NAT1: variants seen among roughly 807,000 people sequenced by gnomAD.
The protein encoded by NAT1 is N-acetyltransferase 1.
For missense variants in NAT1, 400 were observed against 339.2 expected (o/e 1.18, Z -1.41); for synonymous variants, 144 against 122.6 (o/e 1.17, Z -1.16).
intron 2 of NAT1, among the ~76,000 whole-genome samples, chr8:18,175,227 A>C (rs1589048008): frequency 6.6e-6 from 1 of 152,048 alleles, no homozygotes; most frequent in Non-Finnish European, 1.5e-5. Flanking sequence ...GAGAATGTTA[A>C]AAATCTATTC....
At chr8:18,217,976 G>C (rs1406381294) in intron 1 of NAT1, among the ~76,000 whole-genome samples, 6 of 152,096 alleles carry the variant, frequency 3.9e-5, no homozygotes, top group African/African-American at 1.4e-4. Context: ...ACCTTTATTG[G>C]AGTGGCTGAG....
At chr8:18,205,501 G>A (rs1448862084), upstream of NAT1, among the ~76,000 whole-genome samples, 2 of 152,172 alleles carry the variant, frequency 1.3e-5, no homozygotes, top group African/African-American at 4.8e-5. Context: ...GGGCACTGGC[G>A]GGGGCAGGGC....
At chr8:18,216,982 AC>A (rs1804739573) in intron 1 of NAT1, 2 of 1,550,498 alleles carry the variant, frequency 1.3e-6, no homozygotes, top group South Asian at 2.4e-5. Flanking sequence ...TCTGATGATC[AC>A]CATGTTTCTG....
At chr8:18,192,859 A>C (rs932722135) in intron 2 of NAT1, among the ~76,000 whole-genome samples, 5 of 150,042 alleles carry the variant, frequency 3.3e-5, no homozygotes, top group African/African-American at 1.2e-4. Context: ...GGAAGGGGGG[A>C]GGGATAGCAT....
intron 2 of NAT1, among the ~76,000 whole-genome samples, chr8:18,186,284 A>G (rs1589062873): frequency 6.6e-6 from 1 of 152,120 alleles, no homozygotes; most frequent in African/African-American, 2.4e-5. Flanking sequence ...GTTTTACTGT[A>G]TGATTGTACA....
intron 2 of NAT1, among the ~76,000 whole-genome samples, chr8:18,199,778 C>T (rs1300825649): frequency 6.6e-6 from 1 of 152,088 alleles, no homozygotes; most frequent in Admixed American, 6.6e-5. Context: ...GGGGGCTACT[C>T]GTTTCTTTGT....
At chr8:18,187,813 T>G (rs939124005) in intron 2 of NAT1, among the ~76,000 whole-genome samples, 4 of 151,942 alleles carry the variant, frequency 2.6e-5, no homozygotes, top group African/African-American at 9.7e-5. Context: ...TGACATGAGT[T>G]TACCTATATA....
At chr8:18,195,034 C>T (rs917122974) in intron 2 of NAT1, among the ~76,000 whole-genome samples, 1 of 152,064 alleles carries the variant, frequency 6.6e-6, no homozygotes, top group African/African-American at 2.4e-5. Context: ...CAGCAGTGGT[C>T]CAGAAAATGG....
At chr8:18,202,131 T>A (rs890226767) in intron 2 of NAT1, among the ~76,000 whole-genome samples, 3 of 152,218 alleles carry the variant, frequency 2.0e-5, no homozygotes, top group African/African-American at 2.4e-5. Context: ...AATATTTACA[T>A]AACAAACCTT....
chr8:18,202,868 G>C (rs1803531522), intron 2 of NAT1, among the ~76,000 whole-genome samples: 1 of 152,134 alleles, frequency 6.6e-6, no homozygotes, highest in Non-Finnish European at 1.5e-5. Context: ...TGGGTGACCG[G>C]CTGTTATTCC....
At chr8:18,196,281 G>A (rs988907884) in intron 2 of NAT1, among the ~76,000 whole-genome samples, 7 of 151,922 alleles carry the variant, frequency 4.6e-5, no homozygotes, top group South Asian at 2.1e-4. Flanking sequence ...GAGAAATTAC[G>A]AAATGTAATT....
intron 2 of NAT1, among the ~76,000 whole-genome samples, chr8:18,174,111 G>C (rs2117198068): frequency 6.6e-6 from 1 of 152,220 alleles, no homozygotes; most frequent in Middle Eastern, 3.4e-3. Flanking sequence ...GAGAGAAAAA[G>C]ATGATTAGAA....
intron 2 of NAT1, among the ~76,000 whole-genome samples, chr8:18,185,450 T>C (rs1802695289): frequency 6.6e-6 from 1 of 152,164 alleles, no homozygotes. Flanking sequence ...CTGGTCATAA[T>C]GTGGTGTAAT....
chr8:18,195,065 T>C (rs971588537), intron 2 of NAT1, among the ~76,000 whole-genome samples: 22 of 152,088 alleles, frequency 1.4e-4, no homozygotes, highest in African/African-American at 5.3e-4. Context: ...GTTTGATGAG[T>C]AAGGTCAAGG....
chr8:18,214,886 TATTA>T (rs1389368773), intron 1 of NAT1, among the ~76,000 whole-genome samples: 1 of 152,206 alleles, frequency 6.6e-6, no homozygotes, highest in Non-Finnish European at 1.5e-5. Context: ...TGCTTCTTTG[TATTA>T]ATTAATTCTC....
At chr8:18,209,178 A>G (rs1803869207), upstream of NAT1, among the ~76,000 whole-genome samples, 1 of 152,228 alleles carries the variant, frequency 6.6e-6, no homozygotes, top group Non-Finnish European at 1.5e-5. Flanking sequence ...TAGTGGTCCC[A>G]GACCCATAGT....
At chr8:18,189,537 G>C (rs1034265286) in intron 2 of NAT1, among the ~76,000 whole-genome samples, 3 of 152,164 alleles carry the variant, frequency 2.0e-5, no homozygotes, top group African/African-American at 7.2e-5. Context: ...ATATACTAAA[G>C]ACATATTTTT....
chr8:18,173,564 C>G (rs999764098), intron 2 of NAT1, among the ~76,000 whole-genome samples: 1 of 152,172 alleles, frequency 6.6e-6, no homozygotes, highest in African/African-American at 2.4e-5. Flanking sequence ...CATTATAACA[C>G]TGAGGCACAG....
At position 18,221,097 on chromosome 8, in the gene NAT1, T is replaced by C. The variant is rs1316938170; in HGVS notation, c.-6-945T>C. ...GCCAGTCTTAGCTCCAAGGCTGCAG[T>C]TGCCTGTCAGATCTCATCTCAGTCC... On this transcript the variant is annotated intron_variant, in intron 2 of 2. Transcript: ENST00000307719. Among the ~76,000 whole-genome samples, 4 of 152,222 alleles carry C rather than the reference T, an allele frequency of 2.6e-5. No individual in the cohort carries two copies. The East Asian group carries it at 5.8e-4, about 22-fold the overall frequency.
Sources: gnomAD v4.1 joint callset for allele counts (sites outside exome capture counted in the v4.1 genomes callset) on GRCh38, gnomAD v4.1.1 for gene constraint, MANE v1.5 for transcripts, NCBI Gene and HGNC (gene_info 2026-07-23, HGNC 2026-07-21) for gene names.